NCOA7: variants seen among roughly 807,000 people sequenced by gnomAD.
The protein encoded by NCOA7 is nuclear receptor coactivator 7.
NCOA7 carries 45 observed loss-of-function variants against 104.3 expected under a neutral mutation model. That is an observed-to-expected ratio of 0.43 (90% CI 0.34 to 0.55). The LOEUF is 0.55. Ranked by LOEUF, NCOA7 falls within the 20% of genes least tolerant of loss-of-function variation. The pLI is 0.02. For synonymous variants in NCOA7, 398 were observed against 402.3 expected (o/e 0.99, Z 0.13); for missense variants, 1,041 against 1,119.7 (o/e 0.93, Z 1.00).
At chr6:125,915,686 G>A (rs909363084) in intron 11 of NCOA7, among the ~76,000 whole-genome samples, 5 of 151,852 alleles carry the variant, frequency 3.3e-5, no homozygotes, top group African/African-American at 1.2e-4. Flanking sequence ...AGTTCATTCT[G>A]ACCACACTAG....
At chr6:125,890,004 C>T (rs1182036533) in intron 9 of NCOA7, 23 bp downstream of exon 9, 12 of 1,465,324 alleles carry the variant, frequency 8.2e-6, no homozygotes, top group East Asian at 2.3e-5. Flanking sequence ...TCTTTAATGC[C>T]TTTATATTCT....
At chr6:125,879,426 G>T (rs1583446985) in intron 5 of NCOA7, among the ~76,000 whole-genome samples, 1 of 152,156 alleles carries the variant, frequency 6.6e-6, no homozygotes, top group East Asian at 1.9e-4. Context: ...TGGAAACTCA[G>T]AGTCACTTTT....
At chr6:125,809,485 C>A (rs1776769033) in intron 1 of NCOA7, among the ~76,000 whole-genome samples, 1 of 152,124 alleles carries the variant, frequency 6.6e-6, no homozygotes, top group Non-Finnish European at 1.5e-5. Flanking sequence ...GTCTGGGTAC[C>A]CTTGTAAGTT....
At chr6:125,895,352 G>A (rs1383641039) in intron 10 of NCOA7, among the ~76,000 whole-genome samples, 1 of 152,124 alleles carries the variant, frequency 6.6e-6, no homozygotes, top group Non-Finnish European at 1.5e-5. Context: ...GGGAGAGAAG[G>A]AGAAGGAAAG....
At chr6:125,838,208 C>A (rs778800644) in intron 2 of NCOA7, among the ~76,000 whole-genome samples, 1 of 152,096 alleles carries the variant, frequency 6.6e-6, no homozygotes, top group Non-Finnish European at 1.5e-5. Flanking sequence ...GGTGCAGAAG[C>A]TTCTATACCA....
At chr6:125,816,689 G>C (rs1777622743) in intron 2 of NCOA7, among the ~76,000 whole-genome samples, 1 of 152,172 alleles carries the variant, frequency 6.6e-6, no homozygotes, top group Non-Finnish European at 1.5e-5. Context: ...TTCACATGTA[G>C]TTAGTTGTAA....
In NCOA7 at chr6:125,928,683, G is replaced by C. The variant is rs1647435089; in HGVS notation, c.2741G>C (p.Ser914Thr). 6.2e-7 allele frequency: 1 copy of C among 1,613,292 alleles called. No homozygotes were observed. The highest frequency in any genetic ancestry group is 1.1e-5 in the South Asian group (1 of 91,050). ...GATGCTGATTTATACCACGGACGAA[G>C]CAACTCTTGCAGCACTTTCAATAAT... ...WLDADLYHGR[S>T]NSCSTFNNDI... Residue 914 changes from serine (S) to threonine (T), a missense_variant, in exon 16 of 16, where the codon AGC becomes ACC. Physicochemically the swap from Ser to Thr is moderately conservative, Grantham distance 58. This residue lies in a region of NCOA7 where 127 missense variants were observed against 177.0 expected (regional missense o/e 0.72). Transcript: ENST00000392477.
chr6:125,881,306 C>T (rs1783804864), intron 6 of NCOA7, 103 bp downstream of exon 6: 1 of 870,034 alleles, frequency 1.1e-6, no homozygotes, highest in Middle Eastern at 2.9e-4. Context: ...GAAATTCTCC[C>T]TAGATGGTTG....
chr6:125,909,845 T>C (rs1308846947), intron 10 of NCOA7, among the ~76,000 whole-genome samples: 1 of 151,992 alleles, frequency 6.6e-6, no homozygotes, highest in South Asian at 2.1e-4. Flanking sequence ...GATTTTGGTT[T>C]GTGTTAGGTG....
rs1185245268 is a variant in NCOA7, at chr6:125,839,828, A to C, written c.51-15192A>C. 3.3e-5 allele frequency among the ~76,000 whole-genome samples: 5 copies of C among 152,124 alleles called. No homozygotes were observed. In the South Asian group the frequency reaches 6.2e-4, roughly 19 times the overall value. On this transcript the variant is annotated intron_variant, in intron 2 of 15. Transcript: ENST00000392477. ...ATGCTGGTGTAAACAAACCCACTGT[A>C]CTGCCAGCTGTGGAAAAGCATAGTA...
rs143046420 is a variant in NCOA7, at chr6:125,890,629, G to T, written c.1928-13G>T. The stretch of plus-strand genomic sequence containing the variant: ...GTCAATATTGAGGAACAGTTTTTTC[G>T]TGTGTGATTCAGATATACTTCCTTC... On this transcript the variant is annotated splice_polypyrimidine_tract_variant and intron_variant, in intron 9 of 15. Coordinates refer to ENST00000392477, the MANE Select transcript of NCOA7 (RefSeq NM_181782.5). The T allele has an allele frequency of 9.4e-6, 15 of 1,589,918 alleles. No homozygotes were observed. Among genetic ancestry groups the T allele is most frequent in the African/African-American group, 4.1e-5 (3 of 73,106 alleles).
Position 125,919,336 on chromosome 6 carries a change from C to A in NCOA7, c.2245-1607C>A, listed in dbSNP as rs1307552173. Reference sequence around the variant, plus strand: ...AACTTGTTCCTCATTAGAGAGAGAGCCACACTTCTCACTGCTCACAATGAG... The same window carrying A: ...AACTTGTTCCTCATTAGAGAGAGAGACACACTTCTCACTGCTCACAATGAG... On this transcript the variant is annotated intron_variant, in intron 11 of 15. Coordinates refer to ENST00000392477, the MANE Select transcript of NCOA7 (RefSeq NM_181782.5). 3.1e-6 allele frequency: 5 copies of A among 1,612,652 alleles called. No homozygotes were observed. In the African/African-American group the frequency reaches 5.3e-5, roughly 17 times the overall value.
intron 1 of NCOA7, among the ~76,000 whole-genome samples, chr6:125,791,852 T>C (rs1452995586): frequency 6.6e-6 from 1 of 152,218 alleles, no homozygotes; most frequent in Admixed American, 6.5e-5. Flanking sequence ...GGTTATGTAT[T>C]AATGCTTTTT....
In NCOA7 at chr6:125,784,139, C is replaced by A. The variant is rs553444727; in HGVS notation, c.-141-1998C>A. Among the ~76,000 whole-genome samples, 5 of 152,360 alleles carry A rather than the reference C, an allele frequency of 3.3e-5. No individual in the cohort carries two copies. The South Asian group carries it at 1.0e-3, about 32-fold the overall frequency. ...ATCATGGCATCCAATTCATATTCAA[C>A]TATCATTATAATTTATTTACAGTTT... On this transcript the variant is annotated intron_variant, in intron 1 of 16. Transcript: ENST00000368357.
rs1028403520 is a variant in NCOA7, at chr6:125,815,624, C to A, written c.50+220C>A. On this transcript the variant is annotated intron_variant, in intron 2 of 15. Transcript: ENST00000392477. The stretch of plus-strand genomic sequence containing the variant: ...TCTAGCTTTGACACTTCTCTCAGGC[C>A]AGTGTTGCTCAGCGAATCCAGCTGT... Among the ~76,000 whole-genome samples the A allele has an allele frequency of 2.6e-5, 4 of 152,194 alleles. No homozygotes were observed. The East Asian group carries it at 7.7e-4, about 29-fold the overall frequency.
At chr6:125,884,966 C>G (rs1351478854) in intron 7 of NCOA7, among the ~76,000 whole-genome samples, 193 bp from the exon 8 acceptor site, 1 of 152,206 alleles carries the variant, frequency 6.6e-6, no homozygotes, top group Non-Finnish European at 1.5e-5. Flanking sequence ...CATCTGTTTT[C>G]TCTGCCTCAC....
chr6:125,886,906 G>A (rs1478067730), intron 8 of NCOA7, among the ~76,000 whole-genome samples: 1 of 152,256 alleles, frequency 6.6e-6, no homozygotes, highest in Non-Finnish European at 1.5e-5. Flanking sequence ...ATGTGCGCGT[G>A]CACACACGTG....
chr6:125,788,698 A>ATTTTTTTTTT (rs60048395), upstream of NCOA7, among the ~76,000 whole-genome samples: 8 of 121,884 alleles, frequency 6.6e-5, no homozygotes, highest in Admixed American at 9.0e-5. Context: ...CACCCAGCTA[A>ATTTTTTTTTT]TTTTTTTTTT....
chr6:125,880,849 T>C (rs1783765967), intron 5 of NCOA7, among the ~76,000 whole-genome samples: 1 of 152,068 alleles, frequency 6.6e-6, no homozygotes, highest in South Asian at 2.1e-4. Context: ...CCCTTTCTTT[T>C]TGAGTTCTTG....
Sources: allele counts gnomAD v4.1 joint callset (sites outside exome capture counted in the v4.1 genomes callset), GRCh38; gene constraint gnomAD v4.1.1; regional missense constraint gnomAD v4.1.1; transcripts MANE v1.5; gene names NCBI Gene and HGNC (gene_info 2026-07-23, HGNC 2026-07-21).